Variants in PTPRK observed in about 807,000 individuals in gnomAD.
The protein encoded by PTPRK is protein tyrosine phosphatase receptor type K.
Under a neutral mutation model 178.0 loss-of-function variants are expected in PTPRK, and 75 were observed. The ratio of observed to expected loss-of-function variants is 0.42; its 90% confidence interval spans 0.35 to 0.51. The LOEUF (loss-of-function observed/expected upper bound fraction) is 0.51. Among genes scored for constraint, PTPRK ranks in the 20% least tolerant of loss-of-function variants. PTPRK has a pLI of 0.02. For missense variants in PTPRK, 1,441 were observed against 1,797.8 expected, an observed-to-expected ratio of 0.80 and a Z score of 3.59; for synonymous variants, 637 against 620.6, an observed-to-expected ratio of 1.03 and a Z score of -0.39.
chr6:128,313,821 G>A (rs1048371908), intron 3 of PTPRK, among the ~76,000 whole-genome samples: 4 of 152,292 alleles, frequency 2.6e-5, no homozygotes, highest in Admixed American at 6.5e-5. Context: ...TCAGAGCTGT[G>A]AGTAAACAGT....
chr6:128,498,847 T>C (rs1855123205), intron 1 of PTPRK, among the ~76,000 whole-genome samples: 1 of 152,204 alleles, frequency 6.6e-6, no homozygotes, highest in Non-Finnish European at 1.5e-5. Flanking sequence ...TTTCAATTAC[T>C]GAAATATCTC....
chr6:128,061,986 C>T (rs1246687358), intron 13 of PTPRK: 1 of 152,180 alleles, frequency 6.6e-6, no homozygotes, highest in Non-Finnish European at 1.5e-5. Context: ...CTGAACCACT[C>T]CTTCACCAGA....
At chr6:128,105,227 G>A (rs1434490885) in intron 7 of PTPRK, among the ~76,000 whole-genome samples, 1 of 151,190 alleles carries the variant, frequency 6.6e-6, no homozygotes, top group South Asian at 2.1e-4. Context: ...TCCGCCTCCC[G>A]GGTTCGCGCC....
At chr6:128,326,016 G>A (rs1220139344) in intron 2 of PTPRK, among the ~76,000 whole-genome samples, 1 of 152,150 alleles carries the variant, frequency 6.6e-6, no homozygotes, top group Non-Finnish European at 1.5e-5. Context: ...CATGTCCTTT[G>A]CAGGGACATG....
intron 5 of PTPRK, among the ~76,000 whole-genome samples, chr6:128,231,536 T>C (rs967690477): frequency 6.6e-6 from 1 of 152,192 alleles, no homozygotes; most frequent in Admixed American, 6.5e-5. Context: ...GCAGCCAAGG[T>C]TGAAGGCACC....
chr6:128,165,496 C>CT (rs550408318), intron 7 of PTPRK, among the ~76,000 whole-genome samples: 361 of 151,312 alleles, frequency 2.4e-3, no homozygotes, highest in Admixed American at 4.0e-3. Context: ...GATGAGGTCT[C>CT]AGTCTTTTGG....
At chr6:128,321,890 C>G (rs773678615) in intron 3 of PTPRK, 149 bp downstream of exon 3, 24 of 971,622 alleles carry the variant, frequency 2.5e-5, no homozygotes, top group Non-Finnish European at 3.7e-5. Context: ...ATATGTATAT[C>G]TATGTATGAC....
intron 1 of PTPRK, among the ~76,000 whole-genome samples, chr6:128,511,857 T>C (rs1438729173): frequency 6.6e-6 from 1 of 152,202 alleles, no homozygotes; most frequent in Non-Finnish European, 1.5e-5. Context: ...GAGATGATCC[T>C]CATCTTAAAG....
rs765839785 is a variant in PTPRK, at chr6:128,089,711, T to C, written c.1444A>G (p.Ile482Val). 16 of 1,612,240 alleles carry C rather than the reference T, an allele frequency of 9.9e-6. No homozygotes were observed. The African/African-American group carries it at 1.1e-4, about 11-fold the overall frequency. Residue 482 changes from isoleucine to valine, a missense_variant, in exon 8 of 30, where the codon ATT (isoleucine) becomes GTT (valine). Transcript: ENST00000368226. ...ATACCATCTTCATCAGTTTGAATAATTGTCTCTTCACTCTCCTTCCTTCCC... is the reference window on the plus strand; with the variant it reads ...ATACCATCTTCATCAGTTTGAATAACTGTCTCTTCACTCTCCTTCCTTCCC... ...PEGRKESEET[I>V]IQTDEDVPGP...
At chr6:128,441,362 G>A (rs1432070237) in intron 1 of PTPRK, among the ~76,000 whole-genome samples, 1 of 152,088 alleles carries the variant, frequency 6.6e-6, no homozygotes, top group African/African-American at 2.4e-5. Context: ...TTAGGCAGTT[G>A]TGGGGAGAAC....
chr6:128,126,669 T>C (rs1793430599), intron 7 of PTPRK, among the ~76,000 whole-genome samples: 1 of 152,098 alleles, frequency 6.6e-6, no homozygotes, highest in African/African-American at 2.4e-5. Context: ...TAAAAAAATC[T>C]GGAGAGTCAG....
intron 6 of PTPRK, among the ~76,000 whole-genome samples, chr6:128,196,459 C>T (rs886989178): frequency 6.6e-6 from 1 of 152,044 alleles, no homozygotes; most frequent in Non-Finnish European, 1.5e-5. Flanking sequence ...ACATTTTATA[C>T]CAGTGTGACA....
intron 1 of PTPRK, among the ~76,000 whole-genome samples, chr6:128,451,799 G>T (rs552059093): frequency 2.0e-5 from 3 of 152,076 alleles, no homozygotes; most frequent in Non-Finnish European, 4.4e-5. Flanking sequence ...ATTTTAGACT[G>T]TCAGTAACAA....
intron 11 of PTPRK, among the ~76,000 whole-genome samples, chr6:128,069,280 A>C (rs1055959306): frequency 2.0e-5 from 3 of 152,114 alleles, no homozygotes; most frequent in Admixed American, 1.3e-4. Context: ...AATGTTAGAA[A>C]TTGTGATTTG....
intron 3 of PTPRK, among the ~76,000 whole-genome samples, chr6:128,275,938 C>T (rs1361421524): frequency 6.6e-6 from 1 of 151,854 alleles, no homozygotes. Flanking sequence ...AAGTCATAAC[C>T]CAACCATGCC....
chr6:128,006,051 T>C (rs1240302375), intron 14 of PTPRK: 1 of 1,568,484 alleles, frequency 6.4e-7, no homozygotes, highest in East Asian at 2.3e-5. Context: ...GAATAGTAGC[T>C]CCTCCTGGCA....
At chr6:128,225,874 CAGAG>C (rs1316136265) in intron 5 of PTPRK, among the ~76,000 whole-genome samples, 1 of 151,756 alleles carries the variant, frequency 6.6e-6, no homozygotes, top group African/African-American at 2.4e-5. Context: ...TACCATTTGA[CAGAG>C]AGAGAAAGAG....
At chr6:128,034,953 A>G (rs1165085736) in intron 13 of PTPRK, among the ~76,000 whole-genome samples, 2 of 152,268 alleles carry the variant, frequency 1.3e-5, no homozygotes, top group Non-Finnish European at 2.9e-5. Context: ...ATAAAAGTGA[A>G]ACAGACATGA....
intron 5 of PTPRK, among the ~76,000 whole-genome samples, chr6:128,223,944 G>A (rs556330762): frequency 8.5e-5 from 13 of 152,232 alleles, no homozygotes; most frequent in East Asian, 7.7e-4. Flanking sequence ...TCAAGGCATC[G>A]TTCCAATGGG....
Sources: gnomAD v4.1 joint callset for allele counts (sites outside exome capture counted in the v4.1 genomes callset) on GRCh38, gnomAD v4.1.1 for gene constraint, MANE v1.5 for transcripts, NCBI Gene and HGNC (gene_info 2026-07-23, HGNC 2026-07-21) for gene names.